RELCH: variants seen among roughly 807,000 people sequenced by gnomAD.
RELCH encodes the protein RAB11 binding and LisH domain, coiled-coil and HEAT repeat containing.
RELCH carries 41 observed loss-of-function variants against 150.3 expected under a neutral mutation model. The observed-to-expected ratio is 0.27, with a 90% CI of 0.21 to 0.35. RELCH has a LOEUF of 0.35. Among genes scored for constraint, RELCH ranks in the 10% least tolerant of loss-of-function variants. The probability of loss-of-function intolerance (pLI) is 1.00; values close to 1 mark genes in which losing one functional copy is unlikely to be tolerated. For synonymous variants in RELCH, 478 were observed against 531.8 expected, an observed-to-expected ratio of 0.90 and a Z score of 1.39; for missense variants, 1,092 against 1,467.8, an observed-to-expected ratio of 0.74 and a Z score of 4.18.
Position 62,288,280 on chromosome 18 carries a change from A to G in RELCH, c.3370+813A>G, listed in dbSNP as rs937642537. ...TAAATGCTAAAGTACATGCTAAACA[A>G]AAAACAGAGAACAAAGGAAGAGTTT... On this transcript the variant is annotated intron_variant, in intron 26 of 28. Coordinates refer to ENST00000644646, the MANE Select transcript of RELCH (RefSeq NM_001346231.2). Among the ~76,000 whole-genome samples, 4 of 152,264 alleles carry G rather than the reference A, an allele frequency of 2.6e-5. 1 individual carries two copies. In the Middle Eastern group the frequency reaches 0.01, roughly 388 times the overall value.
intron 1 of RELCH, among the ~76,000 whole-genome samples, chr18:62,197,852 G>T (rs1310878089): frequency 6.6e-6 from 1 of 152,184 alleles, no homozygotes; most frequent in African/African-American, 2.4e-5. Flanking sequence ...CATTTTGACT[G>T]ATAAAACAAC....
chr18:62,305,464 T>G lies in RELCH; in HGVS notation c.3581T>G (p.Phe1194Cys). The G allele has an allele frequency of 6.2e-7, 1 of 1,612,310 alleles. No individual in the cohort carries two copies. Among genetic ancestry groups the G allele is most frequent in the Non-Finnish European group, 8.5e-7 (1 of 1,178,930 alleles). The part of the protein sequence containing the change: ...SLVSEDTKTK[F>C]LNKMGQLTTS... ...GTGAGTGAAGATACAAAGACCAAGT[T>G]TTTGAACAAAATGGGCCAGTTGACA... is the stretch of plus-strand genomic sequence containing the variant. The change falls in exon 29 of 29, where the codon TTT (phenylalanine) becomes TGT (cysteine). Residue 1194 changes from phenylalanine to cysteine, a missense_variant. Around this residue, in one of 4 missense-constraint regions of RELCH, gnomAD observed 707 missense variants for 1,025.4 expected, o/e 0.69. Coordinates refer to ENST00000644646, the MANE Select transcript of RELCH (RefSeq NM_001346231.2). The surrounding 1 kb of genome is among the most constrained non-coding windows in gnomAD (Gnocchi z 4.0).
Position 62,257,608 on chromosome 18 carries a change from G to A in RELCH, c.1897-340G>A, listed in dbSNP as rs187446040. ...ATTTGTTGAAAGTGCCTCCTAGTGT[G>A]AACTGCAAGGATTTGAGAGATTTTT... On this transcript the variant is annotated intron_variant, in intron 13 of 28. Coordinates refer to ENST00000644646, the MANE Select transcript of RELCH (RefSeq NM_001346231.2). Among the ~76,000 whole-genome samples, 450 of 152,052 alleles carry A rather than the reference G, an allele frequency of 3.0e-3. 2 individuals carry two copies. Among genetic ancestry groups the A allele is most frequent in the Non-Finnish European group, 5.0e-3 (338 of 67,924 alleles).
intron 2 of RELCH, among the ~76,000 whole-genome samples, chr18:62,217,898 A>T (rs914090901): frequency 1.3e-5 from 2 of 152,012 alleles, no homozygotes; most frequent in African/African-American, 4.8e-5. Flanking sequence ...CAAGTTGAAT[A>T]TAGAAAAACA....
At position 62,261,535 on chromosome 18, in the gene RELCH, C is replaced by T. The variant is rs142362396; in HGVS notation, c.2227C>T (p.His743Tyr). 82 of 1,611,688 alleles carry T rather than the reference C, an allele frequency of 5.1e-5. No individual in the cohort carries two copies. The highest frequency in any genetic ancestry group is 4.5e-4 in the African/African-American group (34 of 74,776). The change falls in exon 16 of 29, where the codon CAC (histidine) becomes TAC (tyrosine). Residue 743 changes from histidine to tyrosine, a missense_variant. Physicochemically the swap from His to Tyr is moderately conservative, Grantham distance 83. Coordinates refer to ENST00000644646, the MANE Select transcript of RELCH (RefSeq NM_001346231.2). ...GGAAGGAGAACATGGACTGGATGAA[C>T]ACAAACTCCACATGTATCTTTCTGC... ...LREGEHGLDE[H>Y]KLHMYLSALQ...
intron 28 of RELCH, among the ~76,000 whole-genome samples, chr18:62,304,758 AT>A (rs1394033053): frequency 6.6e-6 from 1 of 152,184 alleles, no homozygotes; most frequent in Non-Finnish European, 1.5e-5. Flanking sequence ...GGTCATTTAG[AT>A]TGTGTTTATT....
chr18:62,249,494 G>T (rs1167021190), intron 11 of RELCH, among the ~76,000 whole-genome samples: 1 of 152,072 alleles, frequency 6.6e-6, no homozygotes, highest in Non-Finnish European at 1.5e-5. Flanking sequence ...GGACAACTTG[G>T]TGGTACTATA....
chr18:62,267,656 G>C (rs2144764964), intron 19 of RELCH, among the ~76,000 whole-genome samples: 1 of 151,648 alleles, frequency 6.6e-6, no homozygotes, highest in South Asian at 2.1e-4. Flanking sequence ...AAGAGATTTG[G>C]GGTGTGGGGG....
chr18:62,292,608 C>G (rs1199800572), intron 27 of RELCH, among the ~76,000 whole-genome samples: 1 of 152,172 alleles, frequency 6.6e-6, no homozygotes. Flanking sequence ...CCTGCATGTC[C>G]TACAGGCATC....
At chr18:62,275,270 A>G in intron 21 of RELCH, 104 bp from the exon 22 acceptor site, 1 of 581,354 alleles carries the variant, frequency 1.7e-6, no homozygotes. Context: ...ATGTTCTGCA[A>G]ATATTATTAT....
At chr18:62,206,470 TACTA>T (rs1275415953) in intron 1 of RELCH, among the ~76,000 whole-genome samples, 3 of 152,360 alleles carry the variant, frequency 2.0e-5, no homozygotes, top group Admixed American at 6.5e-5. Flanking sequence ...TATTGTGATG[TACTA>T]ACTGTTTTAA....
At chr18:62,274,891 G>A (rs183681076) in intron 21 of RELCH, among the ~76,000 whole-genome samples, 2 of 152,318 alleles carry the variant, frequency 1.3e-5, no homozygotes, top group Admixed American at 1.3e-4. Flanking sequence ...TAAGGAAGGT[G>A]ACATCTTTTT....
At chr18:62,281,029 C>G (rs1456699787) in intron 24 of RELCH, among the ~76,000 whole-genome samples, 1 of 152,176 alleles carries the variant, frequency 6.6e-6, no homozygotes, top group East Asian at 1.9e-4. Context: ...CCTCTTCCCT[C>G]TTTTCTACTT....
At position 62,287,507 on chromosome 18, in the gene RELCH, C is replaced by A. The variant is rs182803183; in HGVS notation, c.3370+40C>A. The A allele has an allele frequency of 1.2e-3, 1,300 of 1,051,532 alleles. 4 individuals carry two copies. The highest frequency in any genetic ancestry group is 1.7e-3 in the Non-Finnish European group (1,174 of 683,058). 65.1% of individuals were successfully genotyped at this position (1,051,532 alleles called of 1,614,324 possible). The stretch of plus-strand genomic sequence containing the variant: ...TTAAGGTGTATCTACATTTATGTAA[C>A]CAATCTTAGAGTGGAACTTGGTTGG... On this transcript the variant is annotated intron_variant, in intron 26 of 28. Transcript: ENST00000644646.
At chr18:62,220,431 G>C (rs1599885055) in intron 2 of RELCH, among the ~76,000 whole-genome samples, 1 of 130,282 alleles carries the variant, frequency 7.7e-6, no homozygotes, top group Admixed American at 8.3e-5. Flanking sequence ...ACATACTCTT[G>C]TTTGTAGAAA....
chr18:62,287,600 A>T (rs1331718743), intron 26 of RELCH, 133 bp downstream of exon 26: 3 of 655,004 alleles, frequency 4.6e-6, no homozygotes, highest in African/African-American at 1.9e-5. Context: ...TGAAGATTTG[A>T]TTTGTCTCAC....
rs1430261117 is a variant in RELCH at position 62,282,437 on chromosome 18, A to G, written c.3246A>G (p.Arg1082=). The G allele has an allele frequency of 1.2e-6, 2 of 1,612,646 alleles. No individual in the cohort carries two copies. Among genetic ancestry groups the G allele is most frequent in the Non-Finnish European group, 8.5e-7 (1 of 1,179,570 alleles). ...RVGPNAEPRF[R]DEFVIPHLHK... ...GCCCTAACGCAGAACCCAGGTTCCG[A>G]GATGAGTGTAAGTTGCATTTTTCTA... is the stretch of plus-strand genomic sequence containing the variant. The change falls in exon 25 of 29, where the codon CGA becomes CGG. Residue 1082 remains arginine, a synonymous_variant. Transcript: ENST00000644646.
intron 27 of RELCH, among the ~76,000 whole-genome samples, chr18:62,297,818 C>G (rs2045483657): frequency 6.6e-6 from 1 of 152,166 alleles, no homozygotes; most frequent in African/African-American, 2.4e-5. Context: ...TTTGAGCAGC[C>G]TCTTCCTAGC....
intron 25 of RELCH, among the ~76,000 whole-genome samples, chr18:62,286,829 T>C (rs2044827013): frequency 6.6e-6 from 1 of 152,204 alleles, no homozygotes; most frequent in African/African-American, 2.4e-5. Context: ...ATTGAATAAC[T>C]TGAAAACTCA....
Sources: allele counts gnomAD v4.1 joint callset (sites outside exome capture counted in the v4.1 genomes callset), GRCh38; gene constraint gnomAD v4.1.1; regional missense constraint gnomAD v4.1.1; non-coding constraint Gnocchi (gnomAD v3.1); transcripts MANE v1.5; gene names NCBI Gene and HGNC (gene_info 2026-07-23, HGNC 2026-07-21).